The following IMMP2L variants were observed in gnomAD, a reference collection of about 807,000 sequenced individuals.
The protein encoded by IMMP2L is inner mitochondrial membrane peptidase subunit 2, also known as mitochondrial inner membrane protease subunit 2.
In IMMP2L, 18 loss-of-function variants were observed where a neutral mutation model predicts 19.3. The observed-to-expected ratio is 0.93, with a 90% CI of 0.64 to 1.38. The LOEUF (loss-of-function observed/expected upper bound fraction) is 1.38, where lower values mean the gene tolerates loss of function less well. Among genes scored for constraint, IMMP2L ranks in the 40% most tolerant of loss-of-function variants. The pLI is 0.00. For synonymous variants in IMMP2L, 76 were observed against 73.0 expected (o/e 1.04, Z -0.21); for missense variants, 233 against 218.2 (o/e 1.07, Z -0.43).
chr7:110,903,894 TTTG>T (rs1812179798), intron 4 of IMMP2L, among the ~76,000 whole-genome samples: 1 of 152,132 alleles, frequency 6.6e-6, no homozygotes, highest in Non-Finnish European at 1.5e-5. Context: ...ATTCATTGCC[TTTG>T]TTTTTATAAT....
chr7:110,717,111 A>G lies in IMMP2L; in HGVS notation c.409-53390T>C, dbSNP rs185348457. Among the ~76,000 whole-genome samples the G allele has an allele frequency of 2.4e-3, 369 of 152,294 alleles. 2 individuals are homozygous for G. The highest frequency in any genetic ancestry group is 8.2e-3 in the African/African-American group (343 of 41,580). On this transcript the variant is annotated intron_variant, in intron 5 of 5. Transcript: ENST00000405709. ...AGAAGAAGGTAGCGGATAGAGCATT[A>G]CTGTCTGGCATCAACTAAGGGTTTA...
chr7:111,267,824 T>C (rs576390255), intron 3 of IMMP2L, among the ~76,000 whole-genome samples: 13 of 152,104 alleles, frequency 8.5e-5, no homozygotes, highest in Non-Finnish European at 1.8e-4. Flanking sequence ...CAAATTGAAA[T>C]GTGGAACAAT....
intron 2 of IMMP2L, among the ~76,000 whole-genome samples, chr7:111,509,380 T>C (rs556501266): frequency 1.3e-5 from 2 of 152,312 alleles, no homozygotes; most frequent in East Asian, 1.9e-4. Flanking sequence ...CGTGTTGCAC[T>C]TATTGCTTGA....
intron 5 of IMMP2L, among the ~76,000 whole-genome samples, chr7:110,764,683 A>G (rs865796735): frequency 6.6e-6 from 1 of 152,110 alleles, no homozygotes; most frequent in South Asian, 2.1e-4. Flanking sequence ...AGGATAATGA[A>G]TATGTCAATG....
chr7:111,037,245 A>T (rs1207730854), intron 3 of IMMP2L, among the ~76,000 whole-genome samples: 1 of 152,202 alleles, frequency 6.6e-6, no homozygotes, highest in Non-Finnish European at 1.5e-5. Context: ...CTTAAGATTT[A>T]TATTTTCAAA....
intron 3 of IMMP2L, among the ~76,000 whole-genome samples, chr7:111,465,433 T>C (rs1200217696): frequency 6.7e-6 from 1 of 149,440 alleles, no homozygotes; most frequent in Non-Finnish European, 1.5e-5. Flanking sequence ...TCCCAAAATA[T>C]GTGTACTTAG....
chr7:110,811,910 G>A (rs1374155921), intron 5 of IMMP2L, among the ~76,000 whole-genome samples: 1 of 151,970 alleles, frequency 6.6e-6, no homozygotes, highest in African/African-American at 2.4e-5. Context: ...CACAGTGATT[G>A]GCTCAGGGAC....
intron 5 of IMMP2L, among the ~76,000 whole-genome samples, chr7:110,818,459 AAAC>A (rs1802736785): frequency 1.3e-5 from 2 of 152,092 alleles, no homozygotes; most frequent in Admixed American, 1.3e-4. Flanking sequence ...AAAAGTCAGG[AAAC>A]AACAGGTGCT....
At chr7:111,309,788 A>G (rs1165629700) in intron 3 of IMMP2L, among the ~76,000 whole-genome samples, 2 of 152,178 alleles carry the variant, frequency 1.3e-5, no homozygotes, top group Non-Finnish European at 2.9e-5. Context: ...ACTCATCACT[A>G]ACTCCAAAAT....
At chr7:110,793,074 A>C (rs1437335641) in intron 5 of IMMP2L, among the ~76,000 whole-genome samples, 1 of 152,068 alleles carries the variant, frequency 6.6e-6, no homozygotes, top group Non-Finnish European at 1.5e-5. Context: ...TGGGGTGGGC[A>C]GTTGGGGAAA....
At chr7:111,088,843 A>T (rs1326610461) in intron 3 of IMMP2L, among the ~76,000 whole-genome samples, 1 of 152,082 alleles carries the variant, frequency 6.6e-6, no homozygotes, top group East Asian at 1.9e-4. Flanking sequence ...AAACACCCAA[A>T]ACACACACTG....
chr7:111,280,448 T>A (rs998117065), intron 3 of IMMP2L, among the ~76,000 whole-genome samples: 3 of 152,170 alleles, frequency 2.0e-5, no homozygotes, highest in South Asian at 2.1e-4. Context: ...GAATATCCTT[T>A]ATATACTTGT....
chr7:110,751,865 T>G (rs868824), intron 5 of IMMP2L, among the ~76,000 whole-genome samples: 1 of 151,844 alleles, frequency 6.6e-6, no homozygotes, highest in Non-Finnish European at 1.5e-5. Flanking sequence ...ACATGGATTA[T>G]GACCTTATAT....
At chr7:111,526,923 G>C (rs1011645647) in intron 1 of IMMP2L, among the ~76,000 whole-genome samples, 5 of 152,080 alleles carry the variant, frequency 3.3e-5, no homozygotes, top group African/African-American at 1.2e-4. Context: ...TGATTAAAAT[G>C]TAAATTAAGG....
intron 3 of IMMP2L, among the ~76,000 whole-genome samples, chr7:111,098,560 A>G (rs1349653549): frequency 6.6e-6 from 1 of 151,724 alleles, no homozygotes; most frequent in Non-Finnish European, 1.5e-5. Flanking sequence ...CTCTTAGACA[A>G]TCCTTTACTG....
At chr7:111,279,406 T>C (rs1819452161) in intron 3 of IMMP2L, among the ~76,000 whole-genome samples, 1 of 152,090 alleles carries the variant, frequency 6.6e-6, no homozygotes, top group African/African-American at 2.4e-5. Flanking sequence ...TGAATTAAGA[T>C]GGGCCCTAAT....
In IMMP2L at chr7:110,704,784, G is replaced by C. The variant is rs1794533887; in HGVS notation, c.409-41063C>G. ...TCTCTTGGGGGAAGAATTAAGTACT[G>C]GTGAGAATCATCTTAATTACCCAGT... is the stretch of plus-strand genomic sequence containing the variant. On this transcript the variant is annotated intron_variant, in intron 5 of 5. Transcript: ENST00000405709. Among the ~76,000 whole-genome samples, 3 of 152,122 alleles carry C rather than the reference G, an allele frequency of 2.0e-5. No individual in the cohort carries two copies. In the South Asian group the frequency reaches 6.2e-4, roughly 32 times the overall value.
At chr7:111,006,018 G>C (rs909249502) in intron 3 of IMMP2L, among the ~76,000 whole-genome samples, 1 of 151,938 alleles carries the variant, frequency 6.6e-6, no homozygotes, top group Non-Finnish European at 1.5e-5. Context: ...AGCTACCCTA[G>C]TCCCTCCACA....
intron 3 of IMMP2L, among the ~76,000 whole-genome samples, chr7:111,317,992 C>T (rs1824286916): frequency 6.6e-6 from 1 of 151,954 alleles, no homozygotes; most frequent in South Asian, 2.1e-4. Flanking sequence ...TTCAATCTGC[C>T]CTTTAATGAG....
Sources: gnomAD v4.1 joint callset for allele counts (sites outside exome capture counted in the v4.1 genomes callset) on GRCh38, gnomAD v4.1.1 for gene constraint, MANE v1.5 for transcripts, NCBI Gene and HGNC (gene_info 2026-07-23, HGNC 2026-07-21) for gene names.